The following CPNE5 variants were observed in gnomAD, a reference collection of about 807,000 sequenced individuals.
CPNE5 encodes copine-5.
A neutral mutation model predicts 81.1 loss-of-function variants in CPNE5; 42 were observed. The observed-to-expected ratio is 0.52, with a 90% CI of 0.40 to 0.67. The LOEUF is 0.67. CPNE5 is among the 30% of genes least tolerant of loss of function. The pLI is 0.00. For missense variants in CPNE5, 612 were observed against 815.5 expected, an observed-to-expected ratio of 0.75 and a Z score of 3.04; for synonymous variants, 313 against 321.5, an observed-to-expected ratio of 0.97 and a Z score of 0.28.
rs1773835890 is a variant in CPNE5, at chr6:36,839,393, CCA to C, written c.-18_-17del. ...GCTGCTCCATCGCCCACCGCACCCC[CCA>C]CCCCAAATTAGTCAATCCCTGCGCG... On this transcript the variant is annotated 5_prime_UTR_variant, in exon 1 of 21. Coordinates refer to ENST00000244751, the MANE Select transcript of CPNE5 (RefSeq NM_020939.2). This position sits in a 1 kb window ranked among gnomAD's most constrained non-coding sequence, Gnocchi z 7.3. The C allele has an allele frequency of 6.5e-7, 1 of 1,536,098 alleles. No homozygotes were observed. The highest frequency in any genetic ancestry group is 8.8e-7 in the Non-Finnish European group (1 of 1,137,466).
Position 36,753,080 on chromosome 6 carries a change from A to C in CPNE5, c.925T>G (p.Phe309Val). 2 of 1,613,350 alleles carry C rather than the reference A, an allele frequency of 1.2e-6. No homozygotes were observed. Among genetic ancestry groups the C allele is most frequent in the Non-Finnish European group, 8.5e-7 (1 of 1,179,350 alleles). Residue 309 changes from phenylalanine (F) to valine (V), a missense_variant, in exon 14 of 21, where the codon TTT becomes GTT. Coordinates refer to ENST00000244751, the MANE Select transcript of CPNE5 (RefSeq NM_020939.2). ...AAGGTGCACTCTGACTCCACAGCAA[A>C]GGAAAGCAGGGTGACCTTCAAAACA... is the stretch of plus-strand genomic sequence containing the variant. ...VNSGTVTLLS[F>V]AVESECTFLD...
At chr6:36,756,672 A>G (rs781622836) in intron 12 of CPNE5, among the ~76,000 whole-genome samples, 1 of 152,108 alleles carries the variant, frequency 6.6e-6, no homozygotes, top group Non-Finnish European at 1.5e-5. Context: ...TCCCCTCACC[A>G]AAAATGCACC....
At chr6:36,798,403 G>A in intron 5 of CPNE5, 52 bp downstream of exon 5, 1 of 1,588,768 alleles carries the variant, frequency 6.3e-7, no homozygotes, top group African/African-American at 1.3e-5. Flanking sequence ...TCACCCAGAG[G>A]ATGGCATTTC....
Position 36,766,903 on chromosome 6 carries a change from T to C in CPNE5, c.738-1527A>G, listed in dbSNP as rs923737597. 6.6e-6 allele frequency among the ~76,000 whole-genome samples: 1 copy of C among 152,202 alleles called. No homozygotes were observed. The highest frequency in any genetic ancestry group is 2.4e-5 in the African/African-American group (1 of 41,448). The stretch of plus-strand genomic sequence containing the variant: ...TGGAGTCTTGCTCTGTTGCCCAGGC[T>C]GGAGTGCAATGGCGTGATCTCGGCT... On this transcript the variant is annotated intron_variant, in intron 10 of 20. Coordinates refer to ENST00000244751, the MANE Select transcript of CPNE5 (RefSeq NM_020939.2). This position sits in a 1 kb window ranked among gnomAD's most constrained non-coding sequence, Gnocchi z 4.2.
upstream of CPNE5, chr6:36,839,562 C>T (rs1773845012): frequency 4.1e-6 from 2 of 491,258 alleles, no homozygotes; most frequent in Non-Finnish European, 7.2e-6. This position sits in a 1 kb window ranked among gnomAD's most constrained non-coding sequence, Gnocchi z 7.3. Context: ...GGAGCGGGGG[C>T]CGCGGATCGA....
At position 36,823,082 on chromosome 6, in the gene CPNE5, C is replaced by G. The variant is rs1258715648; in HGVS notation, c.112G>C (p.Asp38His). The G allele has an allele frequency of 6.4e-7, 1 of 1,574,318 alleles. No individual in the cohort carries two copies. The highest frequency in any genetic ancestry group is 8.6e-7 in the Non-Finnish European group (1 of 1,158,912). Reference sequence around the variant, plus strand: ...CGTGGGTCGGACTTGGAAAACATGTCTTTGTCCAGGAGGTTCCTGAAAGAG... The same window carrying G: ...CGTGGGTCGGACTTGGAAAACATGTGTTTGTCCAGGAGGTTCCTGAAAGAG... ...TVSCRNLLDK[D>H]MFSKSDPLCV... Residue 38 changes from aspartate (D) to histidine (H), a missense_variant, in exon 2 of 21, where the codon GAC (aspartate) becomes CAC (histidine). Coordinates refer to ENST00000244751, the MANE Select transcript of CPNE5 (RefSeq NM_020939.2).
chr6:36,788,712 T>G (rs1673995425), intron 8 of CPNE5, among the ~76,000 whole-genome samples: 1 of 152,202 alleles, frequency 6.6e-6, no homozygotes, highest in South Asian at 2.1e-4. Flanking sequence ...CTTGGGTGAT[T>G]CAGAAGGCCC....
intron 8 of CPNE5, among the ~76,000 whole-genome samples, chr6:36,788,406 T>C (rs768575031): frequency 1.5e-4 from 23 of 152,256 alleles, no homozygotes; most frequent in African/African-American, 4.6e-4. Flanking sequence ...GGTCGGTGAC[T>C]GTTCCCTGTA....
intron 1 of CPNE5, among the ~76,000 whole-genome samples, chr6:36,837,663 G>A (rs1483183584): frequency 6.6e-6 from 1 of 152,182 alleles, no homozygotes; most frequent in Admixed American, 6.5e-5. Flanking sequence ...GAGGATGCCT[G>A]AAAGTGGGGA....
chr6:36,825,927 G>A (rs1170225139), intron 1 of CPNE5, among the ~76,000 whole-genome samples: 1 of 152,146 alleles, frequency 6.6e-6, no homozygotes. Context: ...ATTCAGCAAT[G>A]ACATAAAATC....
chr6:36,764,909 G>C (rs779525448), intron 11 of CPNE5, among the ~76,000 whole-genome samples: 1 of 152,098 alleles, frequency 6.6e-6, no homozygotes, highest in Non-Finnish European at 1.5e-5. Flanking sequence ...CTGCATCTCC[G>C]TCACCCCACA....
chr6:36,765,207 C>G lies in CPNE5; in HGVS notation c.779+128G>C, dbSNP rs546984990. On this transcript the variant is annotated intron_variant, in intron 11 of 20. Transcript: ENST00000244751. ...CCCCCACCCTCCACACACACGCAAA[C>G]CCAGGCTCCCTCACCCCCAGAGCCA... The G allele has an allele frequency of 1.4e-5, 11 of 796,400 alleles. No homozygotes were observed. The East Asian group carries it at 2.6e-4, about 19-fold the overall frequency. The allele number at this position is 796,400 out of a possible 1,614,324, so 49.3% of individuals were successfully genotyped here.
chr6:36,813,466 G>T (rs1036854244), intron 3 of CPNE5, among the ~76,000 whole-genome samples: 7 of 152,218 alleles, frequency 4.6e-5, no homozygotes, highest in African/African-American at 1.7e-4. Flanking sequence ...GGGAGGCAGA[G>T]GTTTCAGTGA....
intron 3 of CPNE5, among the ~76,000 whole-genome samples, chr6:36,809,795 T>G (rs930943600): frequency 1.3e-5 from 2 of 151,726 alleles, no homozygotes; most frequent in Admixed American, 1.3e-4. Flanking sequence ...CCAGTGGGGC[T>G]CCCAGCGCTG....
At chr6:36,754,378 G>A (rs1765185782) in intron 13 of CPNE5, 1 of 152,190 alleles carries the variant, frequency 6.6e-6, no homozygotes, top group African/African-American at 2.4e-5. Context: ...TATTCAAAGG[G>A]TAGTGTCCCT....
chr6:36,818,356 C>G (rs983425436), intron 3 of CPNE5, among the ~76,000 whole-genome samples: 1 of 152,176 alleles, frequency 6.6e-6, no homozygotes, highest in Admixed American at 6.5e-5. Flanking sequence ...TGCATCTCCC[C>G]TCCCAGGCTG....
intron 2 of CPNE5, 89 bp downstream of exon 2, chr6:36,822,969 G>T: frequency 8.9e-7 from 1 of 1,127,212 alleles, no homozygotes; most frequent in Non-Finnish European, 1.2e-6. Flanking sequence ...CACATGGTTA[G>T]TGCTCAGTAA....
At chr6:36,787,707 T>C (rs1245964969) in intron 8 of CPNE5, among the ~76,000 whole-genome samples, 1 of 152,142 alleles carries the variant, frequency 6.6e-6, no homozygotes, top group African/African-American at 2.4e-5. Context: ...ATGAGCACGC[T>C]GGTGACACCT....
At position 36,823,107 on chromosome 6, in the gene CPNE5, G is replaced by C. The variant is rs769610949; in HGVS notation, c.96-9C>G. The C allele has an allele frequency of 2.6e-6, 4 of 1,561,510 alleles. No homozygotes were observed. Among genetic ancestry groups the C allele is most frequent in the Admixed American group, 1.8e-5 (1 of 55,284 alleles). The stretch of plus-strand genomic sequence containing the variant: ...CTTTGTCCAGGAGGTTCCTGAAAGA[G>C]GGGGAGAGAGGAGGGGTTAGCACGG... On this transcript the variant is annotated splice_polypyrimidine_tract_variant and intron_variant, in intron 1 of 20. Transcript: ENST00000244751.
Sources: allele counts gnomAD v4.1 joint callset (sites outside exome capture counted in the v4.1 genomes callset), GRCh38; gene constraint gnomAD v4.1.1; non-coding constraint Gnocchi (gnomAD v3.1); transcripts MANE v1.5; gene names NCBI Gene and HGNC (gene_info 2026-07-23, HGNC 2026-07-21).